The following MATCAP2 variants were observed in gnomAD, a reference collection of about 807,000 sequenced individuals.
MATCAP2 encodes putative tyrosine carboxypeptidase MATCAP2.
chr7:36,335,006 C>T, the MATCAP2 span: 1 of 1,560,764 alleles, frequency 6.4e-7, no homozygotes, highest in Non-Finnish European at 8.7e-7. Context: ...GAGCTAATTC[C>T]TGATATTACA....
the MATCAP2 span, among the ~76,000 whole-genome samples, chr7:36,365,959 T>A: frequency 0.93 from 141,242 of 152,280 alleles, 65,873 homozygotes; most frequent in South Asian, 0.98. Context: ...TGCACAAATC[T>A]ACTCCGTATA....
the MATCAP2 span, among the ~76,000 whole-genome samples, chr7:36,350,367 T>A: frequency 6.6e-6 from 1 of 152,196 alleles, no homozygotes; most frequent in Admixed American, 6.5e-5. Context: ...ATCAAAAGAC[T>A]GTTTTCAGAG....
the MATCAP2 span, among the ~76,000 whole-genome samples, chr7:36,371,262 C>A: frequency 2.0e-5 from 3 of 152,096 alleles, no homozygotes; most frequent in African/African-American, 7.2e-5. Flanking sequence ...CAGGCATGTG[C>A]CACCAGGCCA....
At chr7:36,377,469 T>A in the MATCAP2 span, among the ~76,000 whole-genome samples, 1 of 152,238 alleles carries the variant, frequency 6.6e-6, no homozygotes, top group Non-Finnish European at 1.5e-5. Flanking sequence ...CCAAGAGATC[T>A]GCTGTTATTC....
chr7:36,366,559 A>T, the MATCAP2 span: 1 of 944,778 alleles, frequency 1.1e-6, no homozygotes, highest in Non-Finnish European at 1.5e-6. Context: ...ATTTTTTCTG[A>T]ACATTCTAGA....
chr7:36,387,486 T>C, the MATCAP2 span, among the ~76,000 whole-genome samples: 3 of 152,170 alleles, frequency 2.0e-5, no homozygotes, highest in African/African-American at 7.2e-5. Context: ...CATTCTAGCC[T>C]AGAAACTGAA....
At chr7:36,367,381 G>A in the MATCAP2 span, 111 of 980,712 alleles carry the variant, frequency 1.1e-4, no homozygotes, top group East Asian at 1.4e-3. Flanking sequence ...CAGTGCCTCC[G>A]GGGCTTGTGG....
chr7:36,337,118 A>AAAAAAAAAAAAAAAAAAAAAAAAC, the MATCAP2 span, among the ~76,000 whole-genome samples: 1 of 147,006 alleles, frequency 6.8e-6, no homozygotes, highest in Non-Finnish European at 1.5e-5. Flanking sequence ...AAAAAAAAAA[A>AAAAAAAAAAAAAAAAAAAAAAAAC]AAAAAAAGCA....
At chr7:36,373,822 T>C in the MATCAP2 span, among the ~76,000 whole-genome samples, 1 of 152,172 alleles carries the variant, frequency 6.6e-6, no homozygotes, top group African/African-American at 2.4e-5. Context: ...TCTCGCTCTG[T>C]TGCCCAGGCT....
chr7:36,326,805 C>T, the MATCAP2 span: 1 of 1,613,770 alleles, frequency 6.2e-7, no homozygotes, highest in Non-Finnish European at 8.5e-7. Flanking sequence ...CATTCACTTC[C>T]ATGATCTTCT....
chr7:36,363,625 T>C, the MATCAP2 span, among the ~76,000 whole-genome samples: 1 of 152,204 alleles, frequency 6.6e-6, no homozygotes, highest in Admixed American at 6.5e-5. Flanking sequence ...GTGAGCTGAT[T>C]TTCCTAGCAG....
chr7:36,354,415 A>C, the MATCAP2 span, among the ~76,000 whole-genome samples: 1 of 152,250 alleles, frequency 6.6e-6, no homozygotes, highest in Admixed American at 6.5e-5. Context: ...GACCACAATC[A>C]TCCTCCAAAA....
chr7:36,352,626 G>C, the MATCAP2 span, among the ~76,000 whole-genome samples: 3 of 151,048 alleles, frequency 2.0e-5, no homozygotes, highest in Non-Finnish European at 4.4e-5. Context: ...TCAGGAGTTC[G>C]AGACCAGCCT....
the MATCAP2 span, among the ~76,000 whole-genome samples, chr7:36,383,063 C>CA: frequency 6.6e-6 from 1 of 152,030 alleles, no homozygotes; most frequent in Non-Finnish European, 1.5e-5. Context: ...TCAGAAAGCA[C>CA]AATATGTTCA....
At chr7:36,328,338 T>G in the MATCAP2 span, among the ~76,000 whole-genome samples, 1 of 149,554 alleles carries the variant, frequency 6.7e-6, no homozygotes, top group East Asian at 2.0e-4. Context: ...TGATTACAGG[T>G]GTGAGCCACA....
chr7:36,369,890 T>C, the MATCAP2 span, among the ~76,000 whole-genome samples: 3 of 152,196 alleles, frequency 2.0e-5, no homozygotes, highest in African/African-American at 7.2e-5. Context: ...GCCTCTGTAG[T>C]TAGCCTACCT....
At chr7:36,377,553 CT>C in the MATCAP2 span, among the ~76,000 whole-genome samples, 9 of 152,190 alleles carry the variant, frequency 5.9e-5, 1 homozygote, top group South Asian at 6.2e-4. Flanking sequence ...TCATTTCAAC[CT>C]TGGTGAATCT....
chr7:36,339,983 C>T, the MATCAP2 span, among the ~76,000 whole-genome samples: 2 of 152,182 alleles, frequency 1.3e-5, no homozygotes, highest in African/African-American at 4.8e-5. Flanking sequence ...CTGCCTCAGC[C>T]TCCTGAGTAG....
chr7:36,387,203 G>A, the MATCAP2 span, among the ~76,000 whole-genome samples: 2 of 152,092 alleles, frequency 1.3e-5, no homozygotes, highest in South Asian at 2.1e-4. Context: ...GGATATATAT[G>A]TAGATGTGAT....
Sources: gnomAD v4.1 joint callset for allele counts (sites outside exome capture counted in the v4.1 genomes callset) on GRCh38, gnomAD v4.1.1 for gene constraint, MANE v1.5 for transcripts, NCBI Gene and HGNC (gene_info 2026-07-23, HGNC 2026-07-21) for gene names.